The following NRXN1 variants were observed in gnomAD, a reference collection of about 807,000 sequenced individuals.
NRXN1 encodes the protein neurexin 1.
A neutral mutation model predicts 150.9 loss-of-function variants in NRXN1; 39 were observed. That is an observed-to-expected ratio of 0.26 (90% CI 0.20 to 0.34). The LOEUF is 0.34. Ranked by LOEUF, NRXN1 falls within the 10% of genes least tolerant of loss-of-function variation. The pLI is 1.00. For synonymous variants in NRXN1, 924 were observed against 757.0 expected (o/e 1.22, Z -3.62); for missense variants, 1,815 against 1,949.9 (o/e 0.93, Z 1.30).
chr2:50,097,990 G>C (rs1353177855), intron 18 of NRXN1, among the ~76,000 whole-genome samples: 1 of 152,020 alleles, frequency 6.6e-6, no homozygotes, highest in African/African-American at 2.4e-5. Flanking sequence ...GGCTGGTAGA[G>C]ACTCTGTTTA....
chr2:50,625,926 T>C (rs1004937837), intron 5 of NRXN1, among the ~76,000 whole-genome samples: 3 of 152,032 alleles, frequency 2.0e-5, no homozygotes, highest in African/African-American at 7.2e-5. Flanking sequence ...ACATAAATCG[T>C]ATGTTATTAT....
chr2:50,885,545 G>A (rs1574827236), intron 5 of NRXN1, among the ~76,000 whole-genome samples: 2 of 151,288 alleles, frequency 1.3e-5, no homozygotes, highest in East Asian at 3.9e-4. Flanking sequence ...CTTCCAAAAT[G>A]AAATTTTCTT....
At chr2:50,147,885 T>C (rs1015343413) in intron 18 of NRXN1, among the ~76,000 whole-genome samples, 6 of 151,718 alleles carry the variant, frequency 4.0e-5, no homozygotes, top group Non-Finnish European at 5.9e-5. Context: ...CTGTTGCATG[T>C]AGCCTATGCA....
intron 17 of NRXN1, among the ~76,000 whole-genome samples, chr2:50,408,192 A>G (rs957004980): frequency 6.6e-6 from 1 of 152,224 alleles, no homozygotes; most frequent in African/African-American, 2.4e-5. Context: ...ATTCAGTGAA[A>G]TATTTCCAAG....
chr2:50,439,240 G>C (rs1475467195), intron 17 of NRXN1, among the ~76,000 whole-genome samples: 2 of 152,186 alleles, frequency 1.3e-5, no homozygotes, highest in Non-Finnish European at 2.9e-5. Context: ...TAGATGTTTT[G>C]TCTTTGAATC....
At chr2:50,929,718 G>A (rs1199391643) in intron 2 of NRXN1, among the ~76,000 whole-genome samples, 5 of 151,980 alleles carry the variant, frequency 3.3e-5, no homozygotes, top group Non-Finnish European at 5.9e-5. Flanking sequence ...TTCTATCCAC[G>A]TCTCTCTCGC....
intron 5 of NRXN1, 51 bp downstream of exon 5, chr2:50,921,818 A>G: frequency 1.1e-6 from 1 of 924,092 alleles, no homozygotes; most frequent in African/African-American, 1.7e-5. Flanking sequence ...TAACTCAGAC[A>G]CACTGTAATT....
At chr2:50,040,235 G>A (rs900547175) in intron 21 of NRXN1, among the ~76,000 whole-genome samples, 1 of 152,000 alleles carries the variant, frequency 6.6e-6, no homozygotes, top group African/African-American at 2.4e-5. Context: ...GCTTACTAAT[G>A]TGGATACTTA....
intron 5 of NRXN1, among the ~76,000 whole-genome samples, chr2:50,654,096 T>C (rs1295198682): frequency 6.6e-6 from 1 of 150,508 alleles, no homozygotes; most frequent in Non-Finnish European, 1.5e-5. Context: ...TTGTTACATA[T>C]GTATACATGT....
intron 18 of NRXN1, among the ~76,000 whole-genome samples, chr2:50,093,014 CAT>C (rs143504842): frequency 0.09 from 13,755 of 152,082 alleles, 716 homozygotes; most frequent in Middle Eastern, 0.16. Flanking sequence ...AGTTATATCA[CAT>C]GTGTTAAAAA....
intron 17 of NRXN1, among the ~76,000 whole-genome samples, chr2:50,402,835 C>A (rs1010455065): frequency 1.2e-4 from 18 of 152,014 alleles, no homozygotes; most frequent in Non-Finnish European, 7.4e-5. Flanking sequence ...CAACTCCTCC[C>A]TGTAAATTGC....
chr2:50,749,535 T>TAAAGAGAGGAAAATA (rs1157021470), intron 5 of NRXN1, among the ~76,000 whole-genome samples: 6 of 152,002 alleles, frequency 3.9e-5, no homozygotes, highest in Non-Finnish European at 2.9e-5. Flanking sequence ...AAATAGAGGC[T>TAAAGAGAGGAAAATA]CAGAATAAAG....
intron 17 of NRXN1, among the ~76,000 whole-genome samples, chr2:50,416,848 G>T (rs1049030297): frequency 6.6e-6 from 1 of 152,086 alleles, no homozygotes; most frequent in South Asian, 2.1e-4. Context: ...GACCCTTGAG[G>T]ATTACAAGAA....
chr2:50,449,101 T>C (rs2086727712), intron 17 of NRXN1, among the ~76,000 whole-genome samples: 1 of 152,208 alleles, frequency 6.6e-6, no homozygotes, highest in Non-Finnish European at 1.5e-5. Flanking sequence ...AGACCTTTTA[T>C]GGTCAAATTC....
chr2:50,709,921 C>T (rs958755147), intron 5 of NRXN1, among the ~76,000 whole-genome samples: 2 of 152,064 alleles, frequency 1.3e-5, no homozygotes, highest in African/African-American at 2.4e-5. Context: ...GGCCCAGTTC[C>T]CCAGAAATGC....
chr2:50,228,243 A>G, intron 18 of NRXN1, among the ~76,000 whole-genome samples: 1 of 152,186 alleles, frequency 6.6e-6, no homozygotes, highest in East Asian at 1.9e-4. Flanking sequence ...CTCAAAGTTA[A>G]TTGTATTTAG....
chr2:50,497,636 G>T lies in NRXN1; in HGVS notation c.2576C>A (p.Ser859Tyr). ...TCCAATGAAGTTGGAGGGGACAGAAGAAAGATACCGTCGTTCTGTGATGAT... is the reference window on the plus strand; with the variant it reads ...TCCAATGAAGTTGGAGGGGACAGAATAAAGATACCGTCGTTCTGTGATGAT... ...TGIITERRYL[S>Y]SVPSNFIGHL... The change falls in exon 14 of 23, where the codon TCT becomes TAT. Residue 859 changes from serine to tyrosine, a missense_variant. Ser to Tyr is a moderately radical substitution (Grantham distance 144). Coordinates refer to ENST00000401669, the MANE Select transcript of NRXN1 (RefSeq NM_001330078.2). 1.2e-6 allele frequency: 2 copies of T among 1,613,868 alleles called. No individual in the cohort carries two copies. The highest frequency in any genetic ancestry group is 2.2e-5 in the South Asian group (2 of 91,078).
intron 5 of NRXN1, among the ~76,000 whole-genome samples, chr2:50,765,594 T>C (rs1484735867): frequency 1.3e-5 from 2 of 152,112 alleles, no homozygotes; most frequent in Admixed American, 6.6e-5. Context: ...GAGAGTGCAC[T>C]ATAGGACACC....
chr2:50,780,778 T>C (rs980529658), intron 5 of NRXN1, among the ~76,000 whole-genome samples: 3 of 152,194 alleles, frequency 2.0e-5, no homozygotes, highest in Non-Finnish European at 4.4e-5. Flanking sequence ...TTATATGATA[T>C]GAAATGACTA....
Sources: gnomAD v4.1 joint callset for allele counts (sites outside exome capture counted in the v4.1 genomes callset) on GRCh38, gnomAD v4.1.1 for gene constraint, MANE v1.5 for transcripts, NCBI Gene and HGNC (gene_info 2026-07-23, HGNC 2026-07-21) for gene names.